TSHZ2: variants seen among roughly 807,000 people sequenced by gnomAD.
The protein encoded by TSHZ2 is teashirt zinc finger homeobox 2, also known as teashirt homolog 2.
A neutral mutation model predicts 74.4 loss-of-function variants in TSHZ2; 21 were observed. The observed-to-expected ratio is 0.28, with a 90% CI of 0.20 to 0.41. The LOEUF is 0.41. TSHZ2 is among the 10% of genes least tolerant of loss of function. The pLI is 1.00. For synonymous variants in TSHZ2, 540 were observed against 515.3 expected (o/e 1.05, Z -0.65); for missense variants, 1,244 against 1,293.5 (o/e 0.96, Z 0.59).
chr20:53,223,838 AT>A (rs1989619725), intron 1 of TSHZ2, among the ~76,000 whole-genome samples: 1 of 151,694 alleles, frequency 6.6e-6, no homozygotes, highest in African/African-American at 2.4e-5. Context: ...CATCTGTGGC[AT>A]TTTGGCTGTG....
chr20:53,484,681 C>T (rs528637257), intron 2 of TSHZ2, among the ~76,000 whole-genome samples: 7 of 152,084 alleles, frequency 4.6e-5, no homozygotes, highest in Admixed American at 3.3e-4. Flanking sequence ...CCACCATGCT[C>T]GTCCTTTATC....
intron 2 of TSHZ2, among the ~76,000 whole-genome samples, chr20:53,473,021 C>T (rs144894570): frequency 6.6e-6 from 1 of 151,510 alleles, no homozygotes; most frequent in African/African-American, 2.4e-5. Context: ...CACGGAGTCT[C>T]GCTGATTGCT....
At chr20:53,318,958 C>G (rs549013728) in intron 2 of TSHZ2, among the ~76,000 whole-genome samples, 7 of 152,136 alleles carry the variant, frequency 4.6e-5, no homozygotes, top group Non-Finnish European at 1.0e-4. Context: ...TGGCAGCAGG[C>G]AAGAGAGAGT....
chr20:52,985,264 T>G (rs985255586), intron 1 of TSHZ2, among the ~76,000 whole-genome samples: 6 of 152,190 alleles, frequency 3.9e-5, no homozygotes, highest in African/African-American at 1.2e-4. Context: ...TCCCAGACTT[T>G]GTTTTCTCAT....
At chr20:53,384,220 G>T (rs1190190931) in intron 2 of TSHZ2, among the ~76,000 whole-genome samples, 2 of 152,104 alleles carry the variant, frequency 1.3e-5, no homozygotes, top group Non-Finnish European at 2.9e-5. Context: ...GTTGGGAGCC[G>T]TGAGCCAGTT....
At chr20:53,434,601 T>C (rs1356458875) in intron 2 of TSHZ2, among the ~76,000 whole-genome samples, 1 of 152,202 alleles carries the variant, frequency 6.6e-6, no homozygotes, top group Non-Finnish European at 1.5e-5. Flanking sequence ...ATTAGACTTG[T>C]TTTCTACGTG....
At chr20:53,181,462 C>T (rs6022322) in intron 1 of TSHZ2, among the ~76,000 whole-genome samples, 4,966 of 152,246 alleles carry the variant, frequency 0.033, 277 homozygotes, top group African/African-American at 0.11. Flanking sequence ...CAGCATCTCT[C>T]TTGAAAACAA....
chr20:53,286,137 G>A (rs1169902107), intron 2 of TSHZ2, among the ~76,000 whole-genome samples: 2 of 152,166 alleles, frequency 1.3e-5, no homozygotes, highest in East Asian at 1.9e-4. Context: ...TATGTGTTTG[G>A]CCTTCCTGGA....
chr20:53,292,106 G>A (rs1334070199), intron 2 of TSHZ2, among the ~76,000 whole-genome samples: 2 of 152,056 alleles, frequency 1.3e-5, no homozygotes, highest in Admixed American at 6.6e-5. Flanking sequence ...CTATGATGGG[G>A]AAGGTCTCAC....
intron 1 of TSHZ2, among the ~76,000 whole-genome samples, chr20:53,039,845 C>T (rs1983973041): frequency 6.6e-6 from 1 of 151,402 alleles, no homozygotes; most frequent in Non-Finnish European, 1.5e-5. Flanking sequence ...TGGTGGCTCA[C>T]ACCTGTAATC....
chr20:53,458,500 C>CA (rs1447313913), intron 2 of TSHZ2, among the ~76,000 whole-genome samples: 1 of 152,132 alleles, frequency 6.6e-6, no homozygotes, highest in African/African-American at 2.4e-5. Flanking sequence ...TTGATCCTTT[C>CA]AAAAAACCAG....
At position 53,254,834 on chromosome 20, in the gene TSHZ2, A is replaced by T. The variant is rs1990428182; in HGVS notation, c.1376A>T (p.Glu459Val). Residue 459 changes from glutamate (E) to valine (V), a missense_variant, in exon 2 of 3, where the codon GAG becomes GTG. By Grantham distance (121) the Glu-to-Val change is moderately radical. This residue lies in a region of TSHZ2 where 562 missense variants were observed against 544.0 expected (regional missense o/e 1.03). Coordinates refer to ENST00000371497, the MANE Select transcript of TSHZ2 (RefSeq NM_173485.6). Reference protein sequence around the residue: ...SASDCTASTTELKKESKKERP... With the variant: ...SASDCTASTTVLKKESKKERP... Reference sequence around the variant, plus strand: ...TCAGATTGTACAGCCTCTACAACTGAGTTAAAGAAAGAGAGTAAAAAAGAA... The same window carrying T: ...TCAGATTGTACAGCCTCTACAACTGTGTTAAAGAAAGAGAGTAAAAAAGAA... 1.2e-6 allele frequency: 2 copies of T among 1,613,972 alleles called. No homozygotes were observed. The highest frequency in any genetic ancestry group is 1.7e-6 in the Non-Finnish European group (2 of 1,179,972).
chr20:52,993,121 G>A (rs1982054217), intron 1 of TSHZ2, among the ~76,000 whole-genome samples: 1 of 152,060 alleles, frequency 6.6e-6, no homozygotes, highest in Non-Finnish European at 1.5e-5. Flanking sequence ...TGGGAATCTG[G>A]CTATTTCAGC....
At chr20:53,396,737 C>T (rs1296515224) in intron 2 of TSHZ2, among the ~76,000 whole-genome samples, 1 of 151,614 alleles carries the variant, frequency 6.6e-6, no homozygotes. Flanking sequence ...GTCCCAGCTA[C>T]TCGGGAAGCT....
chr20:53,180,752 CT>C (rs1191421087), intron 1 of TSHZ2, among the ~76,000 whole-genome samples: 2 of 152,120 alleles, frequency 1.3e-5, no homozygotes, highest in Admixed American at 6.5e-5. Flanking sequence ...ACTTTTACCC[CT>C]AAATATATTT....
chr20:53,435,472 T>C (rs914937909), intron 2 of TSHZ2, among the ~76,000 whole-genome samples: 1 of 152,140 alleles, frequency 6.6e-6, no homozygotes, highest in African/African-American at 2.4e-5. Context: ...AAAAACAAAA[T>C]AAGGGAAGGC....
chr20:53,381,843 G>A (rs1468454718), intron 2 of TSHZ2, among the ~76,000 whole-genome samples: 1 of 152,186 alleles, frequency 6.6e-6, no homozygotes, highest in African/African-American at 2.4e-5. Flanking sequence ...TGCATCCACA[G>A]AGATGTCCCC....
intron 2 of TSHZ2, among the ~76,000 whole-genome samples, chr20:53,266,580 C>T (rs759819545): frequency 2.6e-5 from 4 of 152,084 alleles, no homozygotes; most frequent in Non-Finnish European, 5.9e-5. Flanking sequence ...CTCATTGTCC[C>T]ATCATTACTA....
At chr20:53,291,426 T>C (rs1413687541) in intron 2 of TSHZ2, among the ~76,000 whole-genome samples, 1 of 143,732 alleles carries the variant, frequency 7.0e-6, no homozygotes, top group African/African-American at 2.6e-5. Context: ...TGAGCTGAGA[T>C]CAGGCCACTG....
Sources: allele counts gnomAD v4.1 joint callset (sites outside exome capture counted in the v4.1 genomes callset), GRCh38; gene constraint gnomAD v4.1.1; regional missense constraint gnomAD v4.1.1; transcripts MANE v1.5; gene names NCBI Gene and HGNC (gene_info 2026-07-23, HGNC 2026-07-21).